PDE4D: variants seen among roughly 807,000 people sequenced by gnomAD.
PDE4D encodes 3',5'-cyclic-AMP phosphodiesterase 4D.
In PDE4D, 24 loss-of-function variants were observed where a neutral mutation model predicts 87.4. That is an observed-to-expected ratio of 0.27 (90% CI 0.20 to 0.39). The LOEUF is 0.39. PDE4D is among the 10% of genes least tolerant of loss of function. The pLI, the probability that PDE4D is intolerant of heterozygous loss-of-function variation, is 1.00. For missense variants in PDE4D, 714 were observed against 1,041.0 expected (o/e 0.69, Z 4.32); for synonymous variants, 384 against 383.2 (o/e 1.00, Z -0.02).
intron 1 of PDE4D, among the ~76,000 whole-genome samples, chr5:60,382,704 A>C (rs1195074612): frequency 6.6e-6 from 1 of 152,170 alleles, no homozygotes; most frequent in Non-Finnish European, 1.5e-5. Context: ...TTTAGAAAAT[A>C]CTGGATCTGC....
intron 3 of PDE4D, among the ~76,000 whole-genome samples, chr5:59,188,216 C>T (rs1400892157): frequency 1.3e-5 from 2 of 152,096 alleles, no homozygotes; most frequent in African/African-American, 4.8e-5. Context: ...AGATCCCTGA[C>T]GTTTCTTCCA....
intron 1 of PDE4D, among the ~76,000 whole-genome samples, chr5:60,289,768 T>C (rs1752726402): frequency 2.0e-5 from 3 of 152,178 alleles, no homozygotes; most frequent in Admixed American, 2.0e-4. Flanking sequence ...AATGTGCAAT[T>C]TGTTCTGTTT....
At chr5:59,721,070 A>G (rs1755754375) in intron 1 of PDE4D, among the ~76,000 whole-genome samples, 1 of 152,166 alleles carries the variant, frequency 6.6e-6, no homozygotes, top group Non-Finnish European at 1.5e-5. Flanking sequence ...TTACTAAAAT[A>G]TAGGGGAGTA....
intron 1 of PDE4D, among the ~76,000 whole-genome samples, chr5:60,358,619 T>A (rs1236363595): frequency 6.6e-6 from 1 of 152,166 alleles, no homozygotes; most frequent in East Asian, 1.9e-4. Flanking sequence ...CATTGTGACA[T>A]AGGCCTGTCA....
intron 1 of PDE4D, among the ~76,000 whole-genome samples, chr5:60,273,368 T>C (rs1166191431): frequency 6.6e-6 from 1 of 152,054 alleles, no homozygotes; most frequent in Non-Finnish European, 1.5e-5. Context: ...GGAAAATGCA[T>C]CCAGTTCAAG....
At chr5:60,377,540 G>A (rs929911790) in intron 1 of PDE4D, among the ~76,000 whole-genome samples, 2 of 152,198 alleles carry the variant, frequency 1.3e-5, no homozygotes, top group Non-Finnish European at 2.9e-5. Flanking sequence ...CTCAGGCCTC[G>A]ATAAGAAACA....
chr5:59,114,688 G>C (rs1773277928), intron 5 of PDE4D, among the ~76,000 whole-genome samples: 2 of 152,102 alleles, frequency 1.3e-5, no homozygotes, highest in South Asian at 4.1e-4. Flanking sequence ...GGAAAAGAAA[G>C]AGTGTACGAC....
intron 1 of PDE4D, among the ~76,000 whole-genome samples, chr5:60,467,497 G>A (rs1223282390): frequency 6.6e-6 from 1 of 152,098 alleles, no homozygotes; most frequent in Non-Finnish European, 1.5e-5. Flanking sequence ...CACAGCCTAT[G>A]GTCAACCATC....
chr5:59,991,955 A>G (rs767668633), intron 2 of PDE4D, among the ~76,000 whole-genome samples: 2 of 152,180 alleles, frequency 1.3e-5, no homozygotes, highest in Non-Finnish European at 2.9e-5. Context: ...GTCAGTGTAC[A>G]GGGAGAGTCA....
At chr5:59,902,911 T>C (rs1752425603) in intron 3 of PDE4D, among the ~76,000 whole-genome samples, 1 of 152,206 alleles carries the variant, frequency 6.6e-6, no homozygotes, top group Non-Finnish European at 1.5e-5. Context: ...TAAAAATAAC[T>C]ACAAACATCT....
chr5:59,326,707 T>C (rs1775735643), intron 1 of PDE4D, among the ~76,000 whole-genome samples: 1 of 151,728 alleles, frequency 6.6e-6, no homozygotes, highest in African/African-American at 2.4e-5. Flanking sequence ...GACATATGTG[T>C]AATCTCTAAA....
At chr5:59,645,154 T>C (rs1366683867) in intron 1 of PDE4D, among the ~76,000 whole-genome samples, 1 of 152,230 alleles carries the variant, frequency 6.6e-6, no homozygotes, top group Non-Finnish European at 1.5e-5. Context: ...TGTTTAACTG[T>C]AAGGACAGCT....
At chr5:60,382,218 C>T (rs1044300114) in intron 1 of PDE4D, among the ~76,000 whole-genome samples, 18 of 151,924 alleles carry the variant, frequency 1.2e-4, no homozygotes, top group African/African-American at 4.1e-4. Flanking sequence ...GGAGTTATTT[C>T]CAAATAAACT....
chr5:59,668,800 GA>G (rs1387517063), intron 1 of PDE4D, among the ~76,000 whole-genome samples: 1 of 129,078 alleles, frequency 7.7e-6, no homozygotes, highest in Non-Finnish European at 1.6e-5. Context: ...GAAAGAAGAA[GA>G]AGAAAGAAGA....
chr5:59,634,734 G>T (rs1357891516), intron 1 of PDE4D, among the ~76,000 whole-genome samples: 2 of 152,144 alleles, frequency 1.3e-5, no homozygotes, highest in African/African-American at 4.8e-5. Flanking sequence ...CACAGCTAAA[G>T]CAGTGTTTAG....
At chr5:59,564,690 G>A (rs1242699281) in intron 1 of PDE4D, among the ~76,000 whole-genome samples, 1 of 152,120 alleles carries the variant, frequency 6.6e-6, no homozygotes, top group Non-Finnish European at 1.5e-5. Context: ...TTCCAAGTAG[G>A]TGGCAGGTAG....
At chr5:60,000,907 C>T (rs752485249) in intron 2 of PDE4D, among the ~76,000 whole-genome samples, 6 of 152,080 alleles carry the variant, frequency 3.9e-5, no homozygotes, top group Non-Finnish European at 7.3e-5. Flanking sequence ...GGACTCATTC[C>T]CATCCATGTT....
chr5:60,179,153 C>T (rs892540171), intron 2 of PDE4D, among the ~76,000 whole-genome samples: 2 of 151,994 alleles, frequency 1.3e-5, no homozygotes, highest in African/African-American at 2.4e-5. Flanking sequence ...ATAAGTAGGG[C>T]GGTATCCCTA....
At chr5:59,514,186 T>G (rs929153056) in intron 1 of PDE4D, among the ~76,000 whole-genome samples, 1 of 151,502 alleles carries the variant, frequency 6.6e-6, no homozygotes, top group South Asian at 2.1e-4. Context: ...GCTCACTGCA[T>G]GCTCCGCCTC....
Sources: gnomAD v4.1 joint callset for allele counts (sites outside exome capture counted in the v4.1 genomes callset) on GRCh38, gnomAD v4.1.1 for gene constraint, MANE v1.5 for transcripts, NCBI Gene and HGNC (gene_info 2026-07-23, HGNC 2026-07-21) for gene names.